GRID1: variants seen among roughly 807,000 people sequenced by gnomAD.
The protein encoded by GRID1 is glutamate ionotropic receptor delta type subunit 1, also known as glutamate receptor ionotropic, delta-1.
GRID1 carries 28 observed loss-of-function variants against 98.0 expected under a neutral mutation model. The ratio of observed to expected loss-of-function variants is 0.29; its 90% CI spans 0.21 to 0.39. GRID1 has a LOEUF of 0.39. Among genes scored for constraint, GRID1 ranks in the 10% least tolerant of loss-of-function variants. The probability of loss-of-function intolerance (pLI) is 1.00; values close to 1 mark genes in which losing one functional copy is unlikely to be tolerated. For missense variants in GRID1, 1,111 were observed against 1,340.5 expected, an observed-to-expected ratio of 0.83 and a Z score of 2.67; for synonymous variants, 553 against 538.5, an observed-to-expected ratio of 1.03 and a Z score of -0.37.
rs1264419943 is a variant in GRID1 at position 85,940,087 on chromosome 10, A to AAG, written c.727-23850_727-23849dup. The stretch of plus-strand genomic sequence containing the variant: ...CTCTCAAAAAAAAAAAAAAAAAAAA[A>AAG]AGAGAGAGAGAGAGACAGCTGTGGG... On this transcript the variant is annotated intron_variant, in intron 4 of 15. Transcript: ENST00000327946. 6.0e-3 allele frequency among the ~76,000 whole-genome samples: 820 copies of AAG among 137,198 alleles called. 30 individuals carry two copies. Among genetic ancestry groups the AAG allele is most frequent in the East Asian group, 0.016 (80 of 4,850 alleles). The allele number at this position is 137,198 out of a possible 152,430, so 90.0% of individuals were successfully genotyped here. A position where few individuals can be genotyped will look rare whatever the true frequency, so the allele number is the denominator to read the frequency against.
At chr10:85,668,312 C>G (rs914521805) in intron 12 of GRID1, among the ~76,000 whole-genome samples, 1 of 152,172 alleles carries the variant, frequency 6.6e-6, no homozygotes, top group African/African-American at 2.4e-5. Context: ...GCCTCTGACT[C>G]TGTGTGTGTT....
intron 8 of GRID1, among the ~76,000 whole-genome samples, chr10:85,793,040 C>T (rs1842495269): frequency 6.6e-6 from 1 of 152,190 alleles, no homozygotes. Flanking sequence ...GATACAACTT[C>T]TGGCAAGTGC....
chr10:85,707,013 A>T (rs905787641), intron 12 of GRID1, among the ~76,000 whole-genome samples: 1 of 152,210 alleles, frequency 6.6e-6, no homozygotes, highest in Non-Finnish European at 1.5e-5. Context: ...AAAACCCTAG[A>T]AGAAAACCTA....
intron 4 of GRID1, among the ~76,000 whole-genome samples, chr10:86,031,632 CT>C (rs1015582329): frequency 3.3e-5 from 5 of 152,118 alleles, no homozygotes; most frequent in Non-Finnish European, 7.4e-5. Context: ...TCTGCCCCCC[CT>C]CATCAAAGCC....
At chr10:85,900,706 C>T (rs1378646445) in intron 5 of GRID1, among the ~76,000 whole-genome samples, 1 of 152,114 alleles carries the variant, frequency 6.6e-6, no homozygotes, top group Non-Finnish European at 1.5e-5. Context: ...ATTTAGTGAT[C>T]CATGGACACA....
At chr10:86,289,608 C>G (rs1847483611) in intron 2 of GRID1, among the ~76,000 whole-genome samples, 1 of 152,066 alleles carries the variant, frequency 6.6e-6, no homozygotes, top group African/African-American at 2.4e-5. Context: ...GCTTACCAAG[C>G]TCTAATGGCT....
At chr10:86,336,255 T>G (rs1848219736) in intron 2 of GRID1, among the ~76,000 whole-genome samples, 1 of 152,192 alleles carries the variant, frequency 6.6e-6, no homozygotes, top group Non-Finnish European at 1.5e-5. Flanking sequence ...ATAGAAACAC[T>G]AATAGGGTGC....
chr10:85,780,214 G>A (rs1349420550), intron 8 of GRID1, among the ~76,000 whole-genome samples: 2 of 152,174 alleles, frequency 1.3e-5, no homozygotes, highest in South Asian at 2.1e-4. Flanking sequence ...GAGGATCTGC[G>A]AGGCCACTGT....
intron 2 of GRID1, among the ~76,000 whole-genome samples, chr10:86,251,179 T>G (rs1376231485): frequency 2.6e-5 from 4 of 151,542 alleles, no homozygotes. Context: ...CTCCCTAATC[T>G]CAACTACCCA....
chr10:86,126,732 G>A (rs1844760350), intron 4 of GRID1, among the ~76,000 whole-genome samples: 1 of 152,208 alleles, frequency 6.6e-6, no homozygotes, highest in African/African-American at 2.4e-5. Flanking sequence ...AAAACTAAGA[G>A]ATTTCACAGG....
At chr10:86,064,883 A>C (rs77735747) in intron 4 of GRID1, among the ~76,000 whole-genome samples, 3,667 of 152,348 alleles carry the variant, frequency 0.024, 75 homozygotes, top group East Asian at 0.068. Flanking sequence ...CGCTGGCCAC[A>C]TGAAGCCTGC....
At chr10:85,879,482 G>C (rs554842304) in intron 5 of GRID1, among the ~76,000 whole-genome samples, 96 of 152,172 alleles carry the variant, frequency 6.3e-4, no homozygotes, top group South Asian at 3.7e-3. Context: ...CAAAACCACT[G>C]AACTACATGG....
chr10:85,905,861 C>G (rs1326029406), intron 5 of GRID1, among the ~76,000 whole-genome samples: 1 of 151,940 alleles, frequency 6.6e-6, no homozygotes, highest in African/African-American at 2.4e-5. Flanking sequence ...GGAAATGAAA[C>G]AAATACAAAA....
At chr10:85,654,725 G>A (rs1478561463) in intron 12 of GRID1, among the ~76,000 whole-genome samples, 7 of 152,152 alleles carry the variant, frequency 4.6e-5, no homozygotes, top group Non-Finnish European at 7.3e-5. Context: ...AAAGTGGTCC[G>A]AGGCCATCCC....
rs193178597 is a variant in GRID1 at position 86,055,237 on chromosome 10, A to G, written c.726+83582T>C. On this transcript the variant is annotated intron_variant, in intron 4 of 15. Coordinates refer to ENST00000327946, the MANE Select transcript of GRID1 (RefSeq NM_017551.3). The stretch of plus-strand genomic sequence containing the variant: ...AGTTTGGGGAGAGTTACACTGCATT[A>G]TTATGGCAATAAATAACTGGATACA... 3.8e-4 allele frequency among the ~76,000 whole-genome samples: 58 copies of G among 152,372 alleles called. No individual in the cohort carries two copies. In the East Asian group the frequency reaches 0.011, roughly 28 times the overall value.
chr10:85,865,580 C>T (rs1843207063), intron 6 of GRID1, among the ~76,000 whole-genome samples: 1 of 152,096 alleles, frequency 6.6e-6, no homozygotes, highest in Non-Finnish European at 1.5e-5. Context: ...CTAATTTCAT[C>T]AAGACAAAGT....
At chr10:85,714,732 A>G (rs1423880336) in intron 12 of GRID1, among the ~76,000 whole-genome samples, 1 of 152,114 alleles carries the variant, frequency 6.6e-6, no homozygotes, top group East Asian at 1.9e-4. Context: ...ACATTGGTGA[A>G]AAAACTGAAG....
chr10:86,051,658 A>T (rs993075046), intron 4 of GRID1, among the ~76,000 whole-genome samples: 4 of 152,262 alleles, frequency 2.6e-5, no homozygotes, highest in African/African-American at 9.6e-5. Context: ...GCAGAAAATG[A>T]AATACAAATA....
chr10:86,181,478 T>G (rs1845654352), intron 3 of GRID1, among the ~76,000 whole-genome samples: 1 of 152,162 alleles, frequency 6.6e-6, no homozygotes, highest in African/African-American at 2.4e-5. Context: ...AACAGACTTC[T>G]CTGGGAGTGA....
Sources: allele counts gnomAD v4.1 joint callset (sites outside exome capture counted in the v4.1 genomes callset), GRCh38; gene constraint gnomAD v4.1.1; transcripts MANE v1.5; gene names NCBI Gene and HGNC (gene_info 2026-07-23, HGNC 2026-07-21).